GCNT1: variants seen among roughly 807,000 people sequenced by gnomAD.
GCNT1 encodes glucosaminyl (N-acetyl) transferase 1.
Under a neutral mutation model 26.2 loss-of-function variants are expected in GCNT1, and 16 were observed. The ratio of observed to expected loss-of-function variants is 0.61; its 90% CI spans 0.41 to 0.93. The LOEUF (loss-of-function observed/expected upper bound fraction) is 0.93. Among genes scored for constraint, GCNT1 ranks in the 40% least tolerant of loss-of-function variants. GCNT1 has a pLI of 0.00. For synonymous variants in GCNT1, 183 were observed against 190.8 expected, an observed-to-expected ratio of 0.96 and a Z score of 0.34; for missense variants, 477 against 526.7, an observed-to-expected ratio of 0.91 and a Z score of 0.92.
the GCNT1 span, among the ~76,000 whole-genome samples, chr9:76,409,782 C>A: frequency 6.6e-6 from 1 of 151,904 alleles, no homozygotes; most frequent in East Asian, 1.9e-4. Flanking sequence ...TTTATTATTT[C>A]TTTTCTTTTG....
chr9:76,505,491 C>T lies in GCNT1; in HGVS notation c.*1823C>T, dbSNP rs1416483819. The T allele has an allele frequency of 6.0e-6, 1 of 166,934 alleles. No individual in the cohort carries two copies. 10.3% of individuals were successfully genotyped at this position (166,934 alleles called of 1,614,324 possible). A position where few individuals can be genotyped will look rare whatever the true frequency, so the allele number is the denominator to read the frequency against. The stretch of plus-strand genomic sequence containing the variant: ...ATGCATGTCAAATATTTCTCCCATG[C>T]TTCTCTTAGCAGAAAAGTTTTTACC... On this transcript the variant is annotated 3_prime_UTR_variant, in exon 4 of 4. Coordinates refer to ENST00000376730, the MANE Select transcript of GCNT1 (RefSeq NM_001490.5).
intron 2 of GCNT1, among the ~76,000 whole-genome samples, chr9:76,485,359 A>G (rs1189395183): frequency 6.6e-6 from 1 of 151,872 alleles, no homozygotes; most frequent in Non-Finnish European, 1.5e-5. Flanking sequence ...TTTTTAGTAG[A>G]GACAGGGTTT....
In GCNT1 at chr9:76,491,012, C is replaced by T. The variant is rs79232909; in HGVS notation, c.-289-9904C>T. ...GAGTGTTACAGTGTTACAGGGAAGA[C>T]CTTCAATTATCAATTATAGGTTTTT... On this transcript the variant is annotated intron_variant, in intron 2 of 3. Coordinates refer to ENST00000376730, the MANE Select transcript of GCNT1 (RefSeq NM_001490.5). 1.7e-3 allele frequency among the ~76,000 whole-genome samples: 266 copies of T among 152,336 alleles called. 1 individual carries two copies. Among genetic ancestry groups the T allele is most frequent in the African/African-American group, 5.3e-3 (221 of 41,586 alleles).
intron 2 of GCNT1, among the ~76,000 whole-genome samples, chr9:76,464,885 C>T (rs1452023565): frequency 1.3e-5 from 2 of 152,302 alleles, no homozygotes; most frequent in South Asian, 2.1e-4. Flanking sequence ...AGGCAGATCC[C>T]TGATATGGTG....
At chr9:76,446,502 C>T (rs943489229) in intron 1 of GCNT1, among the ~76,000 whole-genome samples, 5 of 152,194 alleles carry the variant, frequency 3.3e-5, no homozygotes, top group African/African-American at 9.6e-5. Context: ...CATCTTCCCC[C>T]ACACAGAGGG....
the GCNT1 span, among the ~76,000 whole-genome samples, chr9:76,405,190 A>G: frequency 4.6e-5 from 7 of 152,268 alleles, no homozygotes; most frequent in Admixed American, 1.3e-4. Context: ...TGTTTTGCCA[A>G]TACTTTTTTC....
Position 76,504,757 on chromosome 9 carries a change from G to C in GCNT1, c.*1089G>C. On this transcript the variant is annotated 3_prime_UTR_variant, in exon 4 of 4. Coordinates refer to ENST00000376730, the MANE Select transcript of GCNT1 (RefSeq NM_001490.5). ...CCTAATGTCACCTGTATATTCATTT[G>C]AAAGGACTTGGCCCTGTTCTTGGGT... 1 of 413,430 alleles carries C rather than the reference G, an allele frequency of 2.4e-6. No homozygotes were observed. Among genetic ancestry groups the C allele is most frequent in the Non-Finnish European group, 4.4e-6 (1 of 226,124 alleles). The allele number at this position is 413,430 out of a possible 1,614,324, so 25.6% of individuals were successfully genotyped here.
At chr9:76,497,311 CTCTT>C (rs1316627002) in intron 2 of GCNT1, among the ~76,000 whole-genome samples, 1 of 152,152 alleles carries the variant, frequency 6.6e-6, no homozygotes, top group African/African-American at 2.4e-5. Context: ...TCTTGGAAAT[CTCTT>C]TGGCTATGAA....
chr9:76,449,692 A>G (rs1248841854), intron 1 of GCNT1, among the ~76,000 whole-genome samples: 2 of 152,228 alleles, frequency 1.3e-5, no homozygotes, highest in African/African-American at 4.8e-5. Flanking sequence ...AAAATGCTGT[A>G]TAAGCTCCTG....
intron 1 of GCNT1, among the ~76,000 whole-genome samples, chr9:76,429,504 G>A (rs998131935): frequency 5.3e-5 from 8 of 152,110 alleles, no homozygotes; most frequent in Non-Finnish European, 1.0e-4. Flanking sequence ...TATTTCTCAT[G>A]ATTTTTTGGA....
At position 76,447,151 on chromosome 9, in the gene GCNT1, C is replaced by CAA. The variant is rs532132124; in HGVS notation, c.-290+4864_-290+4865dup. 2.9e-3 allele frequency among the ~76,000 whole-genome samples: 104 copies of CAA among 35,992 alleles called. 8 individuals are homozygous for CAA. The highest frequency in any genetic ancestry group is 0.01 in the African/African-American group (87 of 8,680). 23.6% of individuals were successfully genotyped at this position (35,992 alleles called of 152,430 possible). On this transcript the variant is annotated intron_variant, in intron 1 of 2. Transcript: ENST00000442371. ...TCCTGGGCAGAGTGAAACCCTGTGT[C>CAA]AAAAAAAAAAAAAAAAAAAAAAAAA...
intron 3 of GCNT1, among the ~76,000 whole-genome samples, chr9:76,501,274 G>C (rs12553343): frequency 0.1 from 15,917 of 152,100 alleles, 986 homozygotes; most frequent in East Asian, 0.2. Context: ...TTTTAGAACA[G>C]CAGCGCTTAT....
chr9:76,400,161 T>G, the GCNT1 span, among the ~76,000 whole-genome samples: 1 of 152,194 alleles, frequency 6.6e-6, no homozygotes. Context: ...CATGAATATA[T>G]GACATTATGC....
the GCNT1 span, among the ~76,000 whole-genome samples, chr9:76,400,656 C>T: frequency 2.0e-5 from 3 of 152,158 alleles, no homozygotes; most frequent in African/African-American, 4.8e-5. Flanking sequence ...ACTCTTTGGA[C>T]TTCATATAAA....
chr9:76,449,719 T>C (rs1335535047), intron 1 of GCNT1, among the ~76,000 whole-genome samples: 3 of 152,188 alleles, frequency 2.0e-5, no homozygotes, highest in Non-Finnish European at 4.4e-5. Flanking sequence ...AGCACCTCTT[T>C]GGGATTTTCA....
chr9:76,472,577 A>G lies in GCNT1; in HGVS notation c.-290+12400A>G, dbSNP rs73449892. 5.1e-3 allele frequency among the ~76,000 whole-genome samples: 777 copies of G among 152,240 alleles called. 8 individuals carry two copies. Among genetic ancestry groups the G allele is most frequent in the African/African-American group, 0.017 (711 of 41,528 alleles). On this transcript the variant is annotated intron_variant, in intron 2 of 3. Coordinates refer to ENST00000376730, the MANE Select transcript of GCNT1 (RefSeq NM_001490.5). ...TGGACTTTTTTGTTATGGACTTGCC[A>G]TATGCTCTTCTTGTAAGTTTTCTTT...
intron 2 of GCNT1, among the ~76,000 whole-genome samples, chr9:76,494,808 T>C (rs538870735): frequency 1.3e-5 from 2 of 152,250 alleles, no homozygotes; most frequent in African/African-American, 2.4e-5. Flanking sequence ...TTGGGTGATA[T>C]GACTTGGAGG....
chr9:76,465,272 C>T lies in GCNT1; in HGVS notation c.-290+5095C>T, dbSNP rs142923517. 3.3e-5 allele frequency among the ~76,000 whole-genome samples: 5 copies of T among 151,498 alleles called. No individual in the cohort carries two copies. In the East Asian group the frequency reaches 9.7e-4, roughly 29 times the overall value. ...CCCCAAGTAGCTGGAATTAGATGTG[C>T]GTCACCACACCCAGATAATTTTTGT... On this transcript the variant is annotated intron_variant, in intron 2 of 3. Transcript: ENST00000376730.
At chr9:76,494,454 T>A (rs1824847283) in intron 2 of GCNT1, among the ~76,000 whole-genome samples, 1 of 152,188 alleles carries the variant, frequency 6.6e-6, no homozygotes, top group Non-Finnish European at 1.5e-5. Context: ...GTGACACATT[T>A]TGTTCTCACT....
Sources: gnomAD v4.1 joint callset for allele counts (sites outside exome capture counted in the v4.1 genomes callset) on GRCh38, gnomAD v4.1.1 for gene constraint, MANE v1.5 for transcripts, NCBI Gene and HGNC (gene_info 2026-07-23, HGNC 2026-07-21) for gene names.